The following PLA2G4E variants were observed in gnomAD, a reference collection of about 807,000 sequenced individuals.
PLA2G4E encodes phospholipase A2 group IVE, also known as cytosolic phospholipase A2 epsilon.
A neutral mutation model predicts 109.1 loss-of-function variants in PLA2G4E; 84 were observed. The ratio of observed to expected loss-of-function variants is 0.77; its 90% confidence interval spans 0.65 to 0.92. PLA2G4E has a LOEUF of 0.92. Ranked by LOEUF, PLA2G4E falls within the 40% of genes least tolerant of loss-of-function variation. The probability of loss-of-function intolerance (pLI) is 0.00; values close to 1 mark genes in which losing one functional copy is unlikely to be tolerated. For synonymous variants in PLA2G4E, 469 were observed against 436.1 expected (o/e 1.08, Z -0.94); for missense variants, 1,057 against 1,076.6 (o/e 0.98, Z 0.25).
rs749233656 is a variant in PLA2G4E, at chr15:41,992,732, C to T, written c.1470+5G>A. 6.2e-6 allele frequency: 10 copies of T among 1,610,362 alleles called. No homozygotes were observed. In the East Asian group the frequency reaches 2.2e-4, roughly 36 times the overall value. ...GGTGGGGCCCAGGAGAAGCCGAGCA[C>T]CTACCTCGTCCCCCAGGCAGGTCTC... is the stretch of plus-strand genomic sequence containing the variant. On this transcript the variant is annotated splice_donor_5th_base_variant and intron_variant, in intron 13 of 19. Coordinates refer to ENST00000399518, the Ensembl canonical transcript of PLA2G4E.
intron 2 of PLA2G4E, among the ~76,000 whole-genome samples, chr15:42,008,681 C>T (rs1390932382): frequency 1.3e-5 from 2 of 152,196 alleles, no homozygotes; most frequent in African/African-American, 2.4e-5. Context: ...AATAGTAGCC[C>T]AGACTGGCTC....
intron 11 of PLA2G4E, among the ~76,000 whole-genome samples, chr15:41,996,025 A>G (rs964431196): frequency 1.2e-4 from 19 of 152,128 alleles, no homozygotes; most frequent in Admixed American, 6.5e-5. Context: ...CTGGGTCAGC[A>G]GAGGTTTAAG....
At chr15:41,994,308 G>GC (rs574733543) in intron 12 of PLA2G4E, among the ~76,000 whole-genome samples, 10 of 151,794 alleles carry the variant, frequency 6.6e-5, no homozygotes, top group African/African-American at 2.2e-4. Context: ...CCCCCCGGGG[G>GC]GGTGTGTGGC....
At chr15:42,013,576 C>T (rs2068558924) in intron 2 of PLA2G4E, 109 bp downstream of exon 2, 3 of 1,042,090 alleles carry the variant, frequency 2.9e-6, no homozygotes, top group Non-Finnish European at 4.3e-6. Context: ...CACGTGCACA[C>T]GTGCGCGCGC....
intron 3 of PLA2G4E, 86 bp downstream of exon 3, chr15:42,007,643 G>C (rs1273943946): frequency 1.3e-5 from 19 of 1,469,332 alleles, no homozygotes; most frequent in African/African-American, 2.8e-5. Context: ...AGAGGCATAA[G>C]AACACAGAGG....
chr15:42,045,029 C>T (rs1386125715), intron 1 of PLA2G4E, among the ~76,000 whole-genome samples: 1 of 151,678 alleles, frequency 6.6e-6, no homozygotes, highest in African/African-American at 2.4e-5. Context: ...AGTGACCCGG[C>T]AGGATAGATT....
chr15:41,987,148 C>G (rs1357381987), intron 17 of PLA2G4E, 24 bp downstream of exon 17: 1 of 1,599,262 alleles, frequency 6.3e-7, no homozygotes, highest in Admixed American at 1.7e-5. Context: ...AGGCAGGCCT[C>G]AAGGAGTAGC....
At chr15:41,989,706 T>C (rs1388499387) in intron 14 of PLA2G4E, among the ~76,000 whole-genome samples, 154 bp from the exon 15 acceptor site, 1 of 152,178 alleles carries the variant, frequency 6.6e-6, no homozygotes, top group Admixed American at 6.5e-5. Flanking sequence ...GGGGCACCCT[T>C]GGCCAGCTTC....
intron 5 of PLA2G4E, among the ~76,000 whole-genome samples, chr15:42,004,388 G>A (rs1173694468): frequency 8.3e-6 from 1 of 120,420 alleles, no homozygotes; most frequent in Non-Finnish European, 1.8e-5. Context: ...AAGGGAGGAA[G>A]GGAGGGAGGG....
intron 1 of PLA2G4E, among the ~76,000 whole-genome samples, chr15:42,029,126 C>G (rs1889072599): frequency 6.6e-6 from 1 of 152,208 alleles, no homozygotes; most frequent in African/African-American, 2.4e-5. Flanking sequence ...CAGTCTCGCT[C>G]TGTTGCCCAG....
intron 17 of PLA2G4E, among the ~76,000 whole-genome samples, chr15:41,986,710 G>A (rs1172978869): frequency 2.0e-5 from 3 of 151,822 alleles, no homozygotes; most frequent in Non-Finnish European, 2.9e-5. Context: ...TTTAAGAGAT[G>A]GGGTCTCACC....
intron 1 of PLA2G4E, among the ~76,000 whole-genome samples, chr15:42,047,747 G>A (rs1410806464): frequency 6.6e-6 from 1 of 152,020 alleles, no homozygotes; most frequent in Non-Finnish European, 1.5e-5. Context: ...TTTTTATCAT[G>A]TTCAGATATT....
chr15:42,027,213 C>A, intron 1 of PLA2G4E, among the ~76,000 whole-genome samples: 1 of 152,166 alleles, frequency 6.6e-6, no homozygotes, highest in East Asian at 1.9e-4. Context: ...GTAAATCTAT[C>A]AAGGACATCT....
chr15:42,050,166 T>C (rs186908234), intron 1 of PLA2G4E, among the ~76,000 whole-genome samples: 1 of 152,338 alleles, frequency 6.6e-6, no homozygotes, highest in African/African-American at 2.4e-5. Flanking sequence ...TTGACAAATA[T>C]CTTCCATCTC....
rs941932773 is a variant in PLA2G4E, at chr15:41,983,595, T to C, written c.*159A>G. 6 of 646,994 alleles carry C rather than the reference T, an allele frequency of 9.3e-6. No homozygotes were observed. The Admixed American group carries it at 1.5e-4, about 16-fold the overall frequency. 40.1% of individuals were successfully genotyped at this position (646,994 alleles called of 1,614,324 possible). ...TCTCTCTCTTTCTGACTTTCTCAAC[T>C]TTTTAAAATTTTTTACTTTTCGTTA... is the stretch of plus-strand genomic sequence containing the variant. On this transcript the variant is annotated 3_prime_UTR_variant, in exon 20 of 20. Transcript: ENST00000399518.
At chr15:42,020,067 G>A (rs958962464) in intron 1 of PLA2G4E, among the ~76,000 whole-genome samples, 2 of 152,252 alleles carry the variant, frequency 1.3e-5, no homozygotes, top group Non-Finnish European at 2.9e-5. Flanking sequence ...ACCCCAGGAG[G>A]CAGTGTCTAC....
chr15:41,989,641 T>C (rs2068209831), intron 14 of PLA2G4E, 89 bp from the exon 15 acceptor site: 2 of 1,500,648 alleles, frequency 1.3e-6, no homozygotes, highest in African/African-American at 1.4e-5. Flanking sequence ...AGCCACTGGC[T>C]CAGGCCTTGG....
rs149583305 is a variant in PLA2G4E, at chr15:41,986,821, C to G, written c.2035+351G>C. 574 of 308,610 alleles carry G rather than the reference C, an allele frequency of 1.9e-3. 2 individuals carry two copies. Among genetic ancestry groups the G allele is most frequent in the African/African-American group, 0.011 (516 of 46,676 alleles). 19.1% of individuals were successfully genotyped at this position (308,610 alleles called of 1,614,324 possible). On this transcript the variant is annotated intron_variant, in intron 17 of 19. Coordinates refer to ENST00000399518, the Ensembl canonical transcript of PLA2G4E. ...CAGGTATGAGCCACTGTGCCTGGCACCACTCACATTAAAGGGCATCCCCAG... is the reference window on the plus strand; with the variant it reads ...CAGGTATGAGCCACTGTGCCTGGCAGCACTCACATTAAAGGGCATCCCCAG...
At chr15:42,017,339 C>A (rs1005740604) in intron 1 of PLA2G4E, among the ~76,000 whole-genome samples, 1 of 152,228 alleles carries the variant, frequency 6.6e-6, no homozygotes, top group African/African-American at 2.4e-5. Flanking sequence ...CTCCCATCAT[C>A]TAACCTCAGT....
Sources: allele counts gnomAD v4.1 joint callset (sites outside exome capture counted in the v4.1 genomes callset), GRCh38; gene constraint gnomAD v4.1.1; transcripts MANE v1.5; gene names NCBI Gene and HGNC (gene_info 2026-07-23, HGNC 2026-07-21).